RELN: variants seen among roughly 807,000 people sequenced by gnomAD.
The protein encoded by RELN is reelin.
RELN carries 108 observed loss-of-function variants against 427.6 expected under a neutral mutation model. That is an observed-to-expected ratio of 0.25 (90% CI 0.22 to 0.30). The LOEUF (loss-of-function observed/expected upper bound fraction) is 0.30, where lower values mean the gene tolerates loss of function less well. Among genes scored for constraint, RELN ranks in the 10% least tolerant of loss-of-function variants. The probability of loss-of-function intolerance (pLI) is 1.00; values close to 1 mark genes in which losing one functional copy is unlikely to be tolerated. For synonymous variants in RELN, 1,524 were observed against 1,513.4 expected (o/e 1.01, Z -0.16); for missense variants, 3,715 against 4,302.8 (o/e 0.86, Z 3.82).
chr7:103,502,630 T>A (rs1454332211), intron 52 of RELN, among the ~76,000 whole-genome samples: 1 of 151,982 alleles, frequency 6.6e-6, no homozygotes, highest in East Asian at 2.0e-4. Flanking sequence ...CCTGGCTCTG[T>A]CTATCATGGA....
At chr7:103,894,516 G>A (rs1794917642) in intron 2 of RELN, among the ~76,000 whole-genome samples, 1 of 152,066 alleles carries the variant, frequency 6.6e-6, no homozygotes. Flanking sequence ...TACTAAAACT[G>A]TTAACTTTTT....
intron 3 of RELN, among the ~76,000 whole-genome samples, chr7:103,792,682 GA>G (rs1792197157): frequency 6.6e-6 from 1 of 151,728 alleles, no homozygotes; most frequent in Non-Finnish European, 1.5e-5. Flanking sequence ...TATATCTGTG[GA>G]TATACTAAAA....
intron 2 of RELN, among the ~76,000 whole-genome samples, chr7:103,867,871 T>A (rs1168667058): frequency 6.6e-6 from 1 of 152,042 alleles, no homozygotes; most frequent in Non-Finnish European, 1.5e-5. Context: ...ACAAACTGCC[T>A]AATTCATATT....
chr7:103,776,334 T>C (rs1026533222), intron 4 of RELN, among the ~76,000 whole-genome samples: 3 of 152,210 alleles, frequency 2.0e-5, no homozygotes, highest in Non-Finnish European at 4.4e-5. Context: ...TAGAAAAAAA[T>C]TATGAAAATA....
intron 2 of RELN, among the ~76,000 whole-genome samples, chr7:103,911,911 G>T (rs1383452877): frequency 1.4e-5 from 2 of 148,064 alleles, no homozygotes; most frequent in African/African-American, 2.5e-5. Context: ...GCTAGATGAC[G>T]AGTTAGTGGG....
chr7:103,586,738 T>C (rs1831282094), intron 28 of RELN, among the ~76,000 whole-genome samples: 1 of 152,142 alleles, frequency 6.6e-6, no homozygotes, highest in African/African-American at 2.4e-5. Context: ...TATACACCAG[T>C]AACATTGAAG....
At chr7:103,921,079 G>A (rs1795607841) in intron 1 of RELN, among the ~76,000 whole-genome samples, 1 of 152,160 alleles carries the variant, frequency 6.6e-6, no homozygotes, top group Non-Finnish European at 1.5e-5. Flanking sequence ...CAACTTCTAT[G>A]AGCTAAGACT....
intron 2 of RELN, among the ~76,000 whole-genome samples, chr7:103,845,574 C>G (rs1248494235): frequency 6.6e-6 from 1 of 152,138 alleles, no homozygotes; most frequent in African/African-American, 2.4e-5. Flanking sequence ...TGACAGTGTT[C>G]TCAATCTATT....
At chr7:103,492,281 C>G (rs978709530) in intron 57 of RELN, among the ~76,000 whole-genome samples, 5 of 152,028 alleles carry the variant, frequency 3.3e-5, no homozygotes, top group Admixed American at 2.6e-4. Context: ...AAATTAATCA[C>G]AAATCTGGGT....
At chr7:103,539,049 GTCCCTCTA>G in intron 45 of RELN, 21 bp downstream of exon 45, 1 of 1,612,844 alleles carries the variant, frequency 6.2e-7, no homozygotes, top group Non-Finnish European at 8.5e-7. Context: ...CCACATGCCT[GTCCCTCTA>G]TCTGGAGACG....
Position 103,565,196 on chromosome 7 carries a change from T to C in RELN, c.5210+82A>G, listed in dbSNP as rs1273652456. 17 of 1,494,526 alleles carry C rather than the reference T, an allele frequency of 1.1e-5. No individual in the cohort carries two copies. The East Asian group carries it at 3.6e-4, about 32-fold the overall frequency. The allele number at this position is 1,494,526 out of a possible 1,614,324, so 92.6% of individuals were successfully genotyped here. A position where few individuals can be genotyped will look rare whatever the true frequency, so the allele number is the denominator to read the frequency against. On this transcript the variant is annotated intron_variant, in intron 34 of 64. Transcript: ENST00000428762. ...TAATTATCATGAAAGAATAATAGAA[T>C]CCCCAGGCCGAATCACAATTATTTT...
chr7:103,903,817 A>G (rs1424830662), intron 2 of RELN, among the ~76,000 whole-genome samples: 1 of 151,654 alleles, frequency 6.6e-6, no homozygotes, highest in African/African-American at 2.4e-5. Flanking sequence ...AGTATCTACA[A>G]TGGTTTCTGA....
chr7:103,969,631 T>A (rs759463532), intron 1 of RELN, among the ~76,000 whole-genome samples: 6 of 152,166 alleles, frequency 3.9e-5, no homozygotes, highest in Non-Finnish European at 7.3e-5. Context: ...TCAAATGAAT[T>A]TGAGAGTTAA....
chr7:103,523,566 T>G (rs1365222838), intron 46 of RELN, 35 bp from the exon 47 acceptor site: 3 of 1,612,648 alleles, frequency 1.9e-6, no homozygotes, highest in Non-Finnish European at 2.5e-6. Flanking sequence ...TGAAGGATGC[T>G]GTGGAAAAGA....
chr7:103,579,330 G>A (rs1831074545), intron 28 of RELN, among the ~76,000 whole-genome samples: 1 of 152,172 alleles, frequency 6.6e-6, no homozygotes, highest in South Asian at 2.1e-4. Context: ...CAGGCGCAGT[G>A]GCTCACGCCT....
chr7:103,554,013 C>T (rs1830471194), intron 38 of RELN, among the ~76,000 whole-genome samples, 182 bp from the exon 39 acceptor site: 1 of 152,028 alleles, frequency 6.6e-6, no homozygotes, highest in Non-Finnish European at 1.5e-5. Flanking sequence ...TAGTAAGGGC[C>T]TATCTCTACA....
chr7:103,874,088 A>C (rs1477794125), intron 2 of RELN, among the ~76,000 whole-genome samples: 2 of 145,902 alleles, frequency 1.4e-5, no homozygotes, highest in Non-Finnish European at 3.0e-5. Flanking sequence ...GCATATAAAC[A>C]GAGCCAAAGA....
intron 6 of RELN, among the ~76,000 whole-genome samples, chr7:103,740,227 G>A (rs681008): frequency 0.22 from 33,127 of 151,978 alleles, 4,738 homozygotes; most frequent in African/African-American, 0.41. Context: ...AAATTAGGTT[G>A]GGTTATGGAA....
At chr7:103,516,013 T>C (rs904315639) in intron 49 of RELN, among the ~76,000 whole-genome samples, 2 of 152,172 alleles carry the variant, frequency 1.3e-5, no homozygotes, top group Non-Finnish European at 2.9e-5. Flanking sequence ...AAATTGTATA[T>C]ATTCATAGAA....
Sources: gnomAD v4.1 joint callset for allele counts (sites outside exome capture counted in the v4.1 genomes callset) on GRCh38, gnomAD v4.1.1 for gene constraint, MANE v1.5 for transcripts, NCBI Gene and HGNC (gene_info 2026-07-23, HGNC 2026-07-21) for gene names.